FAM3B: variants seen among roughly 807,000 people sequenced by gnomAD.
FAM3B encodes the protein FAM3 metabolism regulating signaling molecule B.
In FAM3B, 29 loss-of-function variants were observed where a neutral mutation model predicts 28.4. The ratio of observed to expected loss-of-function variants is 1.02; its 90% confidence interval spans 0.76 to 1.39. The LOEUF (loss-of-function observed/expected upper bound fraction) is 1.39, where lower values mean the gene tolerates loss of function less well. Among genes scored for constraint, FAM3B ranks in the 40% most tolerant of loss-of-function variants. The pLI is 0.00. For synonymous variants in FAM3B, 91 were observed against 103.0 expected, an observed-to-expected ratio of 0.88 and a Z score of 0.71; for missense variants, 266 against 293.9, an observed-to-expected ratio of 0.91 and a Z score of 0.69.
intron 4 of FAM3B, 70 bp from the exon 5 acceptor site, chr21:41,345,616 G>A: frequency 7.0e-6 from 6 of 861,432 alleles, no homozygotes; most frequent in Non-Finnish European, 1.1e-5. Flanking sequence ...TCCTTCCCCA[G>A]GCCCTGGTGC....
chr21:41,316,680 C>T, upstream of FAM3B: 3 of 413,520 alleles, frequency 7.3e-6, no homozygotes, highest in South Asian at 1.5e-4. Context: ...CACAGCCCCG[C>T]GCACCTGCCC....
intron 7 of FAM3B, among the ~76,000 whole-genome samples, chr21:41,354,898 C>T (rs959584007): frequency 5.9e-5 from 9 of 151,952 alleles, no homozygotes; most frequent in African/African-American, 1.9e-4. Flanking sequence ...GAAAGATAAA[C>T]CACAGAATGG....
intron 3 of FAM3B, among the ~76,000 whole-genome samples, chr21:41,338,760 T>C (rs564428930): frequency 1.4e-4 from 22 of 152,332 alleles, no homozygotes; most frequent in Non-Finnish European, 3.1e-4. Context: ...TACTTAGGAT[T>C]TAAATCTGAA....
At chr21:41,308,053 G>A (rs1242227381) in intron 1 of FAM3B, among the ~76,000 whole-genome samples, 2 of 152,186 alleles carry the variant, frequency 1.3e-5, no homozygotes, top group Non-Finnish European at 2.9e-5. Context: ...ATTTCAAGAT[G>A]TGTGTCATAT....
At position 41,357,234 on chromosome 21, in the gene FAM3B, C is replaced by A; in HGVS notation, c.*37C>A. The A allele has an allele frequency of 1.4e-6, 2 of 1,420,826 alleles. No individual in the cohort carries two copies. The highest frequency in any genetic ancestry group is 1.4e-5 in the African/African-American group (1 of 70,162). The allele number at this position is 1,420,826 out of a possible 1,614,324, so 88.0% of individuals were successfully genotyped here. On this transcript the variant is annotated 3_prime_UTR_variant, in exon 8 of 8. Coordinates refer to ENST00000357985, the MANE Select transcript of FAM3B (RefSeq NM_058186.4). Reference sequence around the variant, plus strand: ...CCTGAGTAAATGTGTTCTGTATAAACAAATGCAGCTGGAATCGCTCAAGAA... The same window carrying A: ...CCTGAGTAAATGTGTTCTGTATAAAAAAATGCAGCTGGAATCGCTCAAGAA...
intron 1 of FAM3B, chr21:41,304,389 G>A: frequency 2.2e-6 from 1 of 447,270 alleles, no homozygotes; most frequent in Admixed American, 2.4e-5. Flanking sequence ...GGGACCCTGA[G>A]CAGCCCGAGG....
chr21:41,309,749 C>T (rs1174775504), intron 1 of FAM3B, among the ~76,000 whole-genome samples: 1 of 152,212 alleles, frequency 6.6e-6, no homozygotes, highest in East Asian at 1.9e-4. Context: ...AGCTTAGACG[C>T]ATTGATCTGA....
intron 1 of FAM3B, among the ~76,000 whole-genome samples, chr21:41,319,268 C>T (rs1455102233): frequency 1.3e-5 from 2 of 152,112 alleles, no homozygotes; most frequent in Non-Finnish European, 2.9e-5. Flanking sequence ...TTGGCTGGGA[C>T]ATGTGTACAT....
upstream of FAM3B, among the ~76,000 whole-genome samples, chr21:41,315,210 C>T (rs111442595): frequency 9.9e-5 from 15 of 152,116 alleles, no homozygotes; most frequent in African/African-American, 1.4e-4. Flanking sequence ...TGTATGATTG[C>T]GCTTATATGA....
At chr21:41,334,510 G>A (rs1216567381) in intron 2 of FAM3B, among the ~76,000 whole-genome samples, 1 of 152,284 alleles carries the variant, frequency 6.6e-6, no homozygotes, top group African/African-American at 2.4e-5. Flanking sequence ...GCTTCAGAGG[G>A]TGCAGGCCAT....
chr21:41,357,145 G>A lies in FAM3B; in HGVS notation c.656G>A (p.Gly219Asp), dbSNP rs141735671. 30 of 1,613,204 alleles carry A rather than the reference G, an allele frequency of 1.9e-5. No homozygotes were observed. The East Asian group carries it at 6.2e-4, about 34-fold the overall frequency. Reference protein sequence around the residue: ...HSDAKNNRYSGWPAEIQIEGC... With the variant: ...HSDAKNNRYSDWPAEIQIEGC... ...GATGCTAAGAACAACAGATATTCTG[G>A]CTGGCCTGCAGAGATCCAGATAGAA... The change falls in exon 8 of 8, where the codon GGC becomes GAC. Residue 219 changes from glycine (G) to aspartate (D), a missense_variant. By Grantham distance (94) the Gly-to-Asp change is moderately conservative (BLOSUM62 -1). Coordinates refer to ENST00000357985, the MANE Select transcript of FAM3B (RefSeq NM_058186.4).
chr21:41,311,247 AAAAAAT>A (rs1179083261), intron 1 of FAM3B, among the ~76,000 whole-genome samples: 4 of 63,442 alleles, frequency 6.3e-5, no homozygotes, highest in Non-Finnish European at 8.7e-5. Context: ...AAAAAAAAAA[AAAAAAT>A]ATATATATAT....
At position 41,326,406 on chromosome 21, in the gene FAM3B, ACACAAATGCCCAT is replaced by A. The variant is rs2145803796; in HGVS notation, c.163+3342_163+3354del. Among the ~76,000 whole-genome samples the A allele has an allele frequency of 6.6e-6, 1 of 152,288 alleles. No homozygotes were observed. The highest frequency in any genetic ancestry group is 2.1e-4 in the South Asian group (1 of 4,830). On this transcript the variant is annotated intron_variant, in intron 2 of 7. Transcript: ENST00000357985. This position sits in a 1 kb window ranked among gnomAD's most constrained non-coding sequence, Gnocchi z 4.0. Reference sequence around the variant, plus strand: ...GCCCACTCCCAGGCCCTGTGAGGAAACACAAATGCCCATCTGTGTGTCACCCATAGTCACTAAA... The same window carrying A: ...GCCCACTCCCAGGCCCTGTGAGGAAACTGTGTGTCACCCATAGTCACTAAA...
At chr21:41,312,720 AGAGT>A (rs1568908966), upstream of FAM3B, among the ~76,000 whole-genome samples, 2 of 106,310 alleles carry the variant, frequency 1.9e-5, no homozygotes, top group East Asian at 9.7e-4. Context: ...TGTGTGTGTG[AGAGT>A]GTGTGTGTGT....
At chr21:41,349,322 C>T (rs1057037104) in intron 7 of FAM3B, among the ~76,000 whole-genome samples, 4 of 152,174 alleles carry the variant, frequency 2.6e-5, no homozygotes, top group African/African-American at 9.7e-5. Flanking sequence ...GCTGAGCATC[C>T]GATGACAATC....
chr21:41,339,674 C>G (rs1422098343), intron 3 of FAM3B, among the ~76,000 whole-genome samples: 2 of 152,152 alleles, frequency 1.3e-5, no homozygotes, highest in Non-Finnish European at 2.9e-5. Flanking sequence ...ACCAAGACTA[C>G]TAACAATACA....
rs200300202 is a variant in FAM3B, at chr21:41,345,738, T to C, written c.397+2T>C. The stretch of plus-strand genomic sequence containing the variant: ...GATGTTTTGATATGTATGAAGGTGG[T>C]AAGAAAATTTTTTCTGTTAAAATTC... On this transcript the variant is annotated splice_donor_variant, in intron 5 of 7. Transcript: ENST00000357985. LOFTEE classifies it high-confidence loss of function. 265 of 1,534,274 alleles carry C rather than the reference T, an allele frequency of 1.7e-4. No individual in the cohort carries two copies. The highest frequency in any genetic ancestry group is 2.2e-4 in the Non-Finnish European group (242 of 1,116,642).
intron 2 of FAM3B, among the ~76,000 whole-genome samples, chr21:41,333,899 A>T (rs749965390): frequency 2.0e-4 from 30 of 152,214 alleles, no homozygotes; most frequent in Non-Finnish European, 3.5e-4. Flanking sequence ...GAAGTCTCAG[A>T]TGGAAATGAG....
intron 3 of FAM3B, among the ~76,000 whole-genome samples, chr21:41,342,713 C>T (rs2089019090): frequency 6.6e-6 from 1 of 152,060 alleles, no homozygotes; most frequent in African/African-American, 2.4e-5. Flanking sequence ...CTTTTCAGTT[C>T]TGAAATTTTT....
Sources: gnomAD v4.1 joint callset for allele counts (sites outside exome capture counted in the v4.1 genomes callset) on GRCh38, gnomAD v4.1.1 for gene constraint, Gnocchi (gnomAD v3.1) non-coding constraint, MANE v1.5 for transcripts, NCBI Gene and HGNC (gene_info 2026-07-23, HGNC 2026-07-21) for gene names.